The following PCLO variants were observed in gnomAD, a reference collection of about 807,000 sequenced individuals.
PCLO encodes the protein protein piccolo.
A neutral mutation model predicts 427.5 loss-of-function variants in PCLO; 82 were observed. The observed-to-expected ratio is 0.19, with a 90% confidence interval of 0.16 to 0.23. The LOEUF is 0.23. Ranked by LOEUF, PCLO falls within the 10% of genes least tolerant of loss-of-function variation. PCLO has a pLI of 1.00. For synonymous variants in PCLO, 2,357 were observed against 2,155.4 expected (o/e 1.09, Z -2.59); for missense variants, 6,239 against 6,115.9 (o/e 1.02, Z -0.67).
chr7:83,093,523 C>T (rs1790443833), intron 3 of PCLO, among the ~76,000 whole-genome samples: 1 of 91,636 alleles, frequency 1.1e-5, no homozygotes, highest in Non-Finnish European at 2.2e-5. Context: ...GATGGAGTCT[C>T]ACTCTGTTAC....
intron 3 of PCLO, among the ~76,000 whole-genome samples, chr7:83,124,412 C>CCTG (rs1290855421): frequency 1.3e-5 from 2 of 149,798 alleles, no homozygotes; most frequent in Non-Finnish European, 3.0e-5. Context: ...CATATGAAAA[C>CCTG]CTGCTCAACA....
At chr7:82,782,212 C>T (rs986109116) in intron 22 of PCLO, among the ~76,000 whole-genome samples, 1 of 152,052 alleles carries the variant, frequency 6.6e-6, no homozygotes, top group Non-Finnish European at 1.5e-5. Flanking sequence ...TGGAGGACAC[C>T]CAGCTGGTAT....
intron 17 of PCLO, among the ~76,000 whole-genome samples, chr7:82,827,177 T>G (rs1030039596): frequency 6.6e-6 from 1 of 152,060 alleles, no homozygotes; most frequent in Non-Finnish European, 1.5e-5. Flanking sequence ...ATTAAGAATC[T>G]CATTTTGAAA....
At chr7:83,057,315 TAC>T (rs1294715122) in intron 3 of PCLO, among the ~76,000 whole-genome samples, 17 of 44,564 alleles carry the variant, frequency 3.8e-4, no homozygotes, top group Non-Finnish European at 2.8e-4. Flanking sequence ...TCATTATATA[TAC>T]ATATATATAT....
intron 3 of PCLO, among the ~76,000 whole-genome samples, chr7:83,090,686 C>T (rs1307670796): frequency 1.3e-5 from 2 of 152,000 alleles, no homozygotes; most frequent in Non-Finnish European, 2.9e-5. Context: ...CCAAGAGAAC[C>T]TACAAATTAA....
At chr7:82,828,088 T>C in intron 16 of PCLO, 122 bp from the exon 17 acceptor site, 1 of 642,208 alleles carries the variant, frequency 1.6e-6, no homozygotes, top group South Asian at 1.8e-5. Flanking sequence ...TATAATTATC[T>C]CATCATCCTC....
chr7:82,768,674 G>A (rs1193377138), intron 22 of PCLO, among the ~76,000 whole-genome samples: 1 of 151,870 alleles, frequency 6.6e-6, no homozygotes, highest in Non-Finnish European at 1.5e-5. Flanking sequence ...TTCTACTAAT[G>A]TAACTGTCAA....
chr7:82,821,527 T>G, intron 20 of PCLO: 1 of 983,786 alleles, frequency 1.0e-6, no homozygotes, highest in Non-Finnish European at 1.2e-6. Flanking sequence ...ATTGCCTGGC[T>G]AATGCCTTTT....
chr7:83,122,997 G>C (rs577196986), intron 3 of PCLO, among the ~76,000 whole-genome samples: 2 of 152,084 alleles, frequency 1.3e-5, no homozygotes, highest in African/African-American at 4.8e-5. Context: ...ACACAAAAAA[G>C]GAAAGATAGT....
intron 2 of PCLO, among the ~76,000 whole-genome samples, chr7:83,152,131 A>AT (rs1382471461): frequency 1.3e-5 from 2 of 151,646 alleles, no homozygotes; most frequent in African/African-American, 4.8e-5. Flanking sequence ...CGCCCGGCTA[A>AT]TTTTTTGTAT....
At chr7:82,800,515 C>G (rs1791323905) in intron 22 of PCLO, among the ~76,000 whole-genome samples, 2 of 152,080 alleles carry the variant, frequency 1.3e-5, no homozygotes, top group South Asian at 4.1e-4. Flanking sequence ...ATGAAAAGTA[C>G]TTAGAATAAA....
In PCLO at chr7:82,931,604, G is replaced by C. The variant is rs538939773; in HGVS notation, c.11113-14731C>G. ...GGACACGGGAGGCCTGTTGGACTGG[G>C]GGCTTCAGTTCCCTCATTAGCTTCC... On this transcript the variant is annotated intron_variant, in intron 6 of 24. Coordinates refer to ENST00000333891, the MANE Select transcript of PCLO (RefSeq NM_033026.6). Among the ~76,000 whole-genome samples, 83 of 152,140 alleles carry C rather than the reference G, an allele frequency of 5.5e-4. 1 individual carries two copies. The South Asian group carries it at 0.017, about 31-fold the overall frequency.
intron 6 of PCLO, among the ~76,000 whole-genome samples, chr7:82,920,428 A>G (rs1203655712): frequency 1.3e-5 from 2 of 151,752 alleles, no homozygotes; most frequent in African/African-American, 4.8e-5. Context: ...AAATTGTACT[A>G]AATATACTGG....
chr7:82,901,951 A>C (rs1338825724), intron 9 of PCLO, among the ~76,000 whole-genome samples: 15 of 151,678 alleles, frequency 9.9e-5, no homozygotes, highest in African/African-American at 3.1e-4. Flanking sequence ...GATGTGGAGA[A>C]ACAGGAACAC....
intron 1 of PCLO, among the ~76,000 whole-genome samples, chr7:83,161,577 G>A (rs1792437560): frequency 6.6e-6 from 1 of 152,168 alleles, no homozygotes; most frequent in African/African-American, 2.4e-5. Context: ...TATGCAAGTT[G>A]CCATTTATTT....
At chr7:83,035,325 C>T (rs541691134) in intron 3 of PCLO, among the ~76,000 whole-genome samples, 1 of 152,092 alleles carries the variant, frequency 6.6e-6, no homozygotes, top group African/African-American at 2.4e-5. Context: ...CTTTTATTAA[C>T]TTTCTATTGA....
rs748925237 is a variant in PCLO, at chr7:82,955,888, T to C, written c.5065A>G (p.Thr1689Ala). 9.3e-6 allele frequency: 15 copies of C among 1,613,792 alleles called. No individual in the cohort carries two copies. In the African/African-American group the frequency reaches 1.6e-4, roughly 17 times the overall value. ...GGCTCTTCGTCAAAATACAAACTTG[T>C]TTTTTTCTGTGATGACTCTGCAGAA... Reference protein sequence around the residue: ...KYSAESSQKKTSLYFDEEPEL... With the variant: ...KYSAESSQKKASLYFDEEPEL... The change falls in exon 5 of 25, where the codon ACA (threonine) becomes GCA (alanine). Residue 1689 changes from threonine (T) to alanine (A), a missense_variant. Coordinates refer to ENST00000333891, the MANE Select transcript of PCLO (RefSeq NM_033026.6).
intron 3 of PCLO, among the ~76,000 whole-genome samples, chr7:83,020,221 G>A (rs977740063): frequency 5.3e-5 from 8 of 152,106 alleles, no homozygotes; most frequent in Non-Finnish European, 8.8e-5. Context: ...TGAGAGAAGT[G>A]TAGGAAACAA....
At chr7:82,945,119 A>T (rs1303583385) in intron 6 of PCLO, among the ~76,000 whole-genome samples, 3 of 150,382 alleles carry the variant, frequency 2.0e-5, no homozygotes, top group Non-Finnish European at 1.5e-5. Flanking sequence ...GTCTCTTGGG[A>T]TTTTTTTTTT....
Sources: allele counts gnomAD v4.1 joint callset (sites outside exome capture counted in the v4.1 genomes callset), GRCh38; gene constraint gnomAD v4.1.1; transcripts MANE v1.5; gene names NCBI Gene and HGNC (gene_info 2026-07-23, HGNC 2026-07-21).